The following MTCL2 variants were observed in gnomAD, a reference collection of about 807,000 sequenced individuals.
MTCL2 encodes microtubule crosslinking factor 2.
chr20:36,803,677 C>T, the MTCL2 span, among the ~76,000 whole-genome samples: 1 of 151,784 alleles, frequency 6.6e-6, no homozygotes, highest in Non-Finnish European at 1.5e-5. Context: ...GAATTGGGGC[C>T]GGGAGTGGTG....
At chr20:36,795,780 A>C in the MTCL2 span, among the ~76,000 whole-genome samples, 17 of 151,720 alleles carry the variant, frequency 1.1e-4, no homozygotes, top group African/African-American at 3.4e-4. Flanking sequence ...TGCCTCAAAA[A>C]AAAAACAAAA....
the MTCL2 span, chr20:36,808,861 C>A: frequency 1.2e-6 from 1 of 836,508 alleles, no homozygotes; most frequent in Non-Finnish European, 1.8e-6. Context: ...GTGATCCCTG[C>A]CGGGGATCCC....
At chr20:36,801,874 G>A in the MTCL2 span, among the ~76,000 whole-genome samples, 1 of 152,080 alleles carries the variant, frequency 6.6e-6, no homozygotes, top group Non-Finnish European at 1.5e-5. Flanking sequence ...TGAGGCAGGA[G>A]AATCACTTGA....
the MTCL2 span, among the ~76,000 whole-genome samples, chr20:36,791,974 A>G: frequency 1.3e-5 from 2 of 152,338 alleles, no homozygotes; most frequent in East Asian, 3.9e-4. Flanking sequence ...ACATTCAAAT[A>G]AGGTTTACTA....
At chr20:36,845,618 C>T in the MTCL2 span, among the ~76,000 whole-genome samples, 2 of 152,214 alleles carry the variant, frequency 1.3e-5, no homozygotes, top group Non-Finnish European at 2.9e-5. Flanking sequence ...CTGGCGAATG[C>T]AGGACTTAGG....
At chr20:36,808,898 T>C in the MTCL2 span, among the ~76,000 whole-genome samples, 1 of 152,218 alleles carries the variant, frequency 6.6e-6, no homozygotes, top group Admixed American at 6.5e-5. Flanking sequence ...TCTATTCAGA[T>C]GAGCACTGCC....
chr20:36,841,223 C>G, the MTCL2 span, among the ~76,000 whole-genome samples: 1 of 143,574 alleles, frequency 7.0e-6, no homozygotes, highest in African/African-American at 2.6e-5. Flanking sequence ...ATCCCAGCTA[C>G]TCGGGAGGCC....
At chr20:36,785,222 A>G in the MTCL2 span, 1 of 985,398 alleles carries the variant, frequency 1.0e-6, no homozygotes, top group African/African-American at 1.7e-5. Flanking sequence ...CCAGGAGGCC[A>G]GGTCTCCAAA....
chr20:36,779,906 G>C, the MTCL2 span: 1 of 152,316 alleles, frequency 6.6e-6, no homozygotes, highest in Non-Finnish European at 1.5e-5. Flanking sequence ...TTGCTGGCAG[G>C]AACCAGCCAA....
chr20:36,794,713 G>GT, the MTCL2 span: 20 of 1,353,008 alleles, frequency 1.5e-5, no homozygotes, highest in South Asian at 2.2e-4. The surrounding 1 kb of genome is among the most constrained non-coding windows in gnomAD (Gnocchi z 5.4). Flanking sequence ...GGACCGTCTT[G>GT]TTCACCTCTT....
At chr20:36,793,832 T>C in the MTCL2 span, 2 of 1,544,200 alleles carry the variant, frequency 1.3e-6, no homozygotes, top group South Asian at 1.2e-5. The surrounding 1 kb of genome is among the most constrained non-coding windows in gnomAD (Gnocchi z 6.8). Context: ...GGAGATCTGC[T>C]TGCTGCGCAC....
chr20:36,834,866 G>T, the MTCL2 span, among the ~76,000 whole-genome samples: 1 of 152,116 alleles, frequency 6.6e-6, no homozygotes, highest in East Asian at 1.9e-4. Flanking sequence ...GCTGGACATG[G>T]TGGCGCATGC....
the MTCL2 span, among the ~76,000 whole-genome samples, chr20:36,788,906 G>A: frequency 0.022 from 3,323 of 150,148 alleles, 110 homozygotes; most frequent in African/African-American, 0.076. Flanking sequence ...TCCCGGGTTC[G>A]AGCGATTCTC....
the MTCL2 span, chr20:36,777,981 A>G: frequency 1.9e-6 from 1 of 529,002 alleles, no homozygotes; most frequent in Non-Finnish European, 3.4e-6. Context: ...TATCTGGCCT[A>G]TGGTGAGGTT....
chr20:36,860,256 C>T, the MTCL2 span, among the ~76,000 whole-genome samples: 9 of 152,192 alleles, frequency 5.9e-5, no homozygotes, highest in Non-Finnish European at 1.0e-4. Context: ...GTTGGCTCCA[C>T]GGCATCCTGC....
chr20:36,839,555 G>GT, the MTCL2 span: 1 of 890,856 alleles, frequency 1.1e-6, no homozygotes, highest in Non-Finnish European at 1.7e-6. The surrounding 1 kb of genome is among the most constrained non-coding windows in gnomAD (Gnocchi z 5.1). Flanking sequence ...GATGTGGCAG[G>GT]CTGAATGACA....
At chr20:36,862,892 C>T in the MTCL2 span, 2 of 1,246,092 alleles carry the variant, frequency 1.6e-6, no homozygotes, top group Non-Finnish European at 2.0e-6. Context: ...GGACCCCCGC[C>T]GGGCCCCCGG....
At chr20:36,800,050 G>A in the MTCL2 span, among the ~76,000 whole-genome samples, 2 of 152,164 alleles carry the variant, frequency 1.3e-5, no homozygotes, top group African/African-American at 4.8e-5. Flanking sequence ...TGGCTTAATC[G>A]TCAGTCCAGT....
the MTCL2 span, among the ~76,000 whole-genome samples, chr20:36,822,352 G>A: frequency 1.9e-4 from 29 of 152,382 alleles, no homozygotes; most frequent in East Asian, 7.7e-4. Flanking sequence ...GAATGCAGCC[G>A]CAAGGCCTGG....
Sources: gnomAD v4.1 joint callset for allele counts (sites outside exome capture counted in the v4.1 genomes callset) on GRCh38, gnomAD v4.1.1 for gene constraint, Gnocchi (gnomAD v3.1) non-coding constraint, MANE v1.5 for transcripts, NCBI Gene and HGNC (gene_info 2026-07-23, HGNC 2026-07-21) for gene names.